CDYL: variants seen among roughly 807,000 people sequenced by gnomAD.
CDYL encodes the protein chromodomain Y-like protein.
Under a neutral mutation model 47.3 loss-of-function variants are expected in CDYL, and 8 were observed. The observed-to-expected ratio is 0.17, with a 90% CI of 0.10 to 0.31. The LOEUF (loss-of-function observed/expected upper bound fraction) is 0.31, where lower values mean the gene tolerates loss of function less well. Among genes scored for constraint, CDYL ranks in the 10% least tolerant of loss-of-function variants. The probability of loss-of-function intolerance (pLI) is 1.00; values close to 1 mark genes in which losing one functional copy is unlikely to be tolerated. For missense variants in CDYL, 471 were observed against 701.4 expected (o/e 0.67, Z 3.71); for synonymous variants, 266 against 265.0 (o/e 1.00, Z -0.04).
chr6:4,769,346 CTAAA>C (rs924701127), intron 3 of CDYL, among the ~76,000 whole-genome samples: 1 of 152,148 alleles, frequency 6.6e-6, no homozygotes, highest in African/African-American at 2.4e-5. Context: ...ACATCAACAA[CTAAA>C]TAACCTCTAA....
intron 2 of CDYL, among the ~76,000 whole-genome samples, chr6:4,719,894 GA>G (rs2127409378): frequency 6.6e-6 from 1 of 152,252 alleles, no homozygotes; most frequent in Non-Finnish European, 1.5e-5. Flanking sequence ...TGCCTGCAAA[GA>G]AAACTCAGCT....
At chr6:4,831,646 T>A (rs1760147377) in intron 1 of CDYL, among the ~76,000 whole-genome samples, 1 of 152,112 alleles carries the variant, frequency 6.6e-6, no homozygotes, top group Admixed American at 6.5e-5. Flanking sequence ...GGGGATGGCA[T>A]TGAATCTATA....
intron 1 of CDYL, among the ~76,000 whole-genome samples, chr6:4,826,580 A>C (rs764043489): frequency 3.3e-5 from 5 of 152,048 alleles, no homozygotes; most frequent in Non-Finnish European, 5.9e-5. Flanking sequence ...AGTGTCTTCT[A>C]CTTTCCCTTG....
chr6:4,866,157 C>T (rs958320562), intron 1 of CDYL, among the ~76,000 whole-genome samples: 2 of 151,956 alleles, frequency 1.3e-5, no homozygotes, highest in African/African-American at 2.4e-5. Flanking sequence ...GAAAACAAAC[C>T]GGAATTAAGA....
intron 1 of CDYL, among the ~76,000 whole-genome samples, chr6:4,840,335 A>T (rs1468286059): frequency 6.6e-6 from 1 of 152,140 alleles, no homozygotes; most frequent in Non-Finnish European, 1.5e-5. Context: ...TTGGTATATG[A>T]TCATGTCATC....
chr6:4,889,437 C>A (rs1216651247), intron 1 of CDYL, among the ~76,000 whole-genome samples: 1 of 151,986 alleles, frequency 6.6e-6, no homozygotes, highest in African/African-American at 2.4e-5. Context: ...GTTGTCCAGG[C>A]TGGTCTCAAA....
intron 2 of CDYL, among the ~76,000 whole-genome samples, chr6:4,893,073 A>G (rs749505863): frequency 6.6e-6 from 1 of 152,194 alleles, no homozygotes; most frequent in Non-Finnish European, 1.5e-5. Context: ...CACTTGCCAC[A>G]CTGTGCCGGC....
intron 1 of CDYL, among the ~76,000 whole-genome samples, chr6:4,807,453 T>G (rs1193941846): frequency 1.3e-5 from 2 of 152,192 alleles, no homozygotes; most frequent in African/African-American, 4.8e-5. Flanking sequence ...ATCTTTAGCA[T>G]TCATTCCATT....
chr6:4,853,134 C>T (rs1254376021), intron 1 of CDYL, among the ~76,000 whole-genome samples: 1 of 152,102 alleles, frequency 6.6e-6, no homozygotes, highest in Middle Eastern at 3.2e-3. Flanking sequence ...TTAGTCTTTT[C>T]CTGCTTTTTG....
chr6:4,933,600 G>A (rs1457933340), intron 2 of CDYL, among the ~76,000 whole-genome samples: 4 of 152,300 alleles, frequency 2.6e-5, no homozygotes, highest in East Asian at 1.9e-4. Flanking sequence ...GAGGGGAGAC[G>A]AGATTGTCAA....
chr6:4,858,002 G>A (rs559334760), intron 1 of CDYL, among the ~76,000 whole-genome samples: 6 of 44,612 alleles, frequency 1.3e-4, no homozygotes, highest in African/African-American at 2.6e-4. Flanking sequence ...ACCCGCCCCC[G>A]CCCCATCTTG....
intron 1 of CDYL, among the ~76,000 whole-genome samples, chr6:4,878,211 T>C (rs902011773): frequency 1.3e-5 from 2 of 152,136 alleles, no homozygotes; most frequent in African/African-American, 2.4e-5. Flanking sequence ...TAATTTACTG[T>C]TTTTATCTAC....
intron 2 of CDYL, chr6:4,928,828 T>C (rs1757952954): frequency 6.6e-6 from 1 of 152,126 alleles, no homozygotes; most frequent in Non-Finnish European, 1.5e-5. Flanking sequence ...TTCCAAAGAA[T>C]AGCCATTTTT....
At chr6:4,830,848 G>T (rs12530218) in intron 1 of CDYL, among the ~76,000 whole-genome samples, 1 of 148,034 alleles carries the variant, frequency 6.8e-6, no homozygotes, top group Non-Finnish European at 1.5e-5. Flanking sequence ...GTGAGAATAT[G>T]CGGTGTTTGG....
chr6:4,770,315 A>T (rs1160326175), intron 3 of CDYL, among the ~76,000 whole-genome samples: 1 of 152,170 alleles, frequency 6.6e-6, no homozygotes, highest in Non-Finnish European at 1.5e-5. Flanking sequence ...CCCTAGTGTT[A>T]CCTGGACCTG....
chr6:4,710,917 CCACACA>C (rs67002698), intron 1 of CDYL, among the ~76,000 whole-genome samples: 40,136 of 149,334 alleles, frequency 0.27, 5,404 homozygotes, highest in East Asian at 0.34. Context: ...GGTGTTCTCA[CCACACA>C]CACACACACA....
intron 1 of CDYL, among the ~76,000 whole-genome samples, chr6:4,807,683 A>T (rs1271169749): frequency 7.6e-6 from 1 of 130,742 alleles, no homozygotes; most frequent in Admixed American, 9.7e-5. Flanking sequence ...GGCTCACTGC[A>T]GCCTCTACCT....
chr6:4,911,541 G>T (rs1414107518), intron 2 of CDYL, among the ~76,000 whole-genome samples: 1 of 152,174 alleles, frequency 6.6e-6, no homozygotes, highest in Non-Finnish European at 1.5e-5. Flanking sequence ...GGTACTGTTT[G>T]CTAAAGGGGG....
At chr6:4,840,655 C>G (rs1760460035) in intron 1 of CDYL, among the ~76,000 whole-genome samples, 1 of 152,060 alleles carries the variant, frequency 6.6e-6, no homozygotes, top group Non-Finnish European at 1.5e-5. Flanking sequence ...TTGAGATGAT[C>G]ATGTGATTTT....
Sources: allele counts gnomAD v4.1 joint callset (sites outside exome capture counted in the v4.1 genomes callset), GRCh38; gene constraint gnomAD v4.1.1; transcripts MANE v1.5; gene names NCBI Gene and HGNC (gene_info 2026-07-23, HGNC 2026-07-21).